Variants in NEDD4 observed in about 807,000 individuals in gnomAD.
NEDD4 encodes the protein E3 ubiquitin-protein ligase NEDD4.
Under a neutral mutation model 144.9 loss-of-function variants are expected in NEDD4, and 99 were observed. The observed-to-expected ratio is 0.68, with a 90% confidence interval of 0.58 to 0.81. NEDD4 has a LOEUF of 0.81. Ranked by LOEUF, NEDD4 falls within the 30% of genes least tolerant of loss-of-function variation. The probability of loss-of-function intolerance (pLI) is 0.00; values close to 1 mark genes in which losing one functional copy is unlikely to be tolerated. For synonymous variants in NEDD4, 318 were observed against 350.6 expected, an observed-to-expected ratio of 0.91 and a Z score of 1.04; for missense variants, 985 against 1,065.9, an observed-to-expected ratio of 0.92 and a Z score of 1.06.
intron 4 of NEDD4, among the ~76,000 whole-genome samples, chr15:55,942,552 G>A (rs2037026572): frequency 6.6e-6 from 1 of 152,082 alleles, no homozygotes. Flanking sequence ...CATGTTAGAT[G>A]AGCCTGCTTC....
At chr15:55,963,961 T>C (rs1400773979) in intron 2 of NEDD4, among the ~76,000 whole-genome samples, 1 of 152,166 alleles carries the variant, frequency 6.6e-6, no homozygotes, top group African/African-American at 2.4e-5. Flanking sequence ...TAGTTTTGGG[T>C]AGGAAGTCAG....
intron 5 of NEDD4, among the ~76,000 whole-genome samples, chr15:55,892,466 T>C (rs1366528997): frequency 1.3e-5 from 2 of 152,000 alleles, no homozygotes; most frequent in African/African-American, 2.4e-5. Flanking sequence ...GTTTCAATCA[T>C]GCTTTTTAAA....
At chr15:55,914,211 T>TAA (rs1555403319) in intron 5 of NEDD4, among the ~76,000 whole-genome samples, 4 of 151,484 alleles carry the variant, frequency 2.6e-5, no homozygotes, top group African/African-American at 7.3e-5. Context: ...TTTTTTTTTT[T>TAA]AAAACAATCT....
At chr15:55,943,129 C>T (rs2037038782) in intron 4 of NEDD4, among the ~76,000 whole-genome samples, 1 of 152,264 alleles carries the variant, frequency 6.6e-6, no homozygotes, top group East Asian at 1.9e-4. Context: ...CTGCTTCTAA[C>T]CATATGCTTA....
intron 5 of NEDD4, among the ~76,000 whole-genome samples, chr15:55,881,769 A>G (rs2035202443): frequency 6.6e-6 from 1 of 152,170 alleles, no homozygotes; most frequent in Non-Finnish European, 1.5e-5. Flanking sequence ...CATAGCTGTG[A>G]TCAACTGTCA....
At chr15:55,936,166 A>G (rs1218304394) in intron 4 of NEDD4, among the ~76,000 whole-genome samples, 1 of 152,198 alleles carries the variant, frequency 6.6e-6, no homozygotes, top group African/African-American at 2.4e-5. Context: ...TCCTAGACTA[A>G]GTGATCCCCC....
intron 4 of NEDD4, among the ~76,000 whole-genome samples, chr15:55,948,062 C>G (rs1260942361): frequency 6.6e-6 from 1 of 152,238 alleles, no homozygotes; most frequent in Non-Finnish European, 1.5e-5. Flanking sequence ...CCCACCGTCT[C>G]AGCCCAAAAT....
chr15:55,863,470 G>A (rs2034480168), intron 8 of NEDD4, among the ~76,000 whole-genome samples: 1 of 152,040 alleles, frequency 6.6e-6, no homozygotes, highest in Non-Finnish European at 1.5e-5. Context: ...AGTATGTGAG[G>A]TGATTTAATG....
intron 2 of NEDD4, among the ~76,000 whole-genome samples, chr15:55,962,189 C>T (rs1294121844): frequency 6.6e-6 from 1 of 152,046 alleles, no homozygotes; most frequent in Non-Finnish European, 1.5e-5. Flanking sequence ...CGAATATATC[C>T]ACTTCAGTCT....
At chr15:55,894,405 C>G (rs2035673422) in intron 5 of NEDD4, among the ~76,000 whole-genome samples, 1 of 152,110 alleles carries the variant, frequency 6.6e-6, no homozygotes, top group South Asian at 2.1e-4. Context: ...ATTTAAGGAA[C>G]TTGAGTATCT....
intron 1 of NEDD4, among the ~76,000 whole-genome samples, chr15:55,969,300 C>T (rs989638367): frequency 1.3e-5 from 2 of 152,082 alleles, no homozygotes; most frequent in Non-Finnish European, 2.9e-5. Flanking sequence ...TTTGGGCAAG[C>T]CTTGCCCCTG....
intron 1 of NEDD4, among the ~76,000 whole-genome samples, chr15:55,984,075 G>C (rs2037851224): frequency 6.6e-6 from 1 of 152,074 alleles, no homozygotes; most frequent in Non-Finnish European, 1.5e-5. Flanking sequence ...CTGATACATA[G>C]TGTTCATCAA....
At chr15:55,916,342 T>G (rs950800107) in intron 5 of NEDD4, 1 of 1,614,054 alleles carries the variant, frequency 6.2e-7, no homozygotes, top group Non-Finnish European at 8.5e-7. Flanking sequence ...CTACCGTTGC[T>G]GCTGTAAGAC....
chr15:55,837,712 T>C (rs999341075), intron 24 of NEDD4, 77 bp downstream of exon 24: 4 of 940,530 alleles, frequency 4.3e-6, no homozygotes, highest in East Asian at 4.9e-5. Context: ...TTTTCTCAGA[T>C]GTGATGAGGC....
chr15:55,973,307 G>C (rs2037642724), intron 1 of NEDD4, among the ~76,000 whole-genome samples: 1 of 152,214 alleles, frequency 6.6e-6, no homozygotes, highest in Admixed American at 6.5e-5. Flanking sequence ...GGGACGCCAA[G>C]ATGGGAGGAC....
chr15:55,962,337 G>A (rs2037440308), intron 2 of NEDD4, among the ~76,000 whole-genome samples: 1 of 152,106 alleles, frequency 6.6e-6, no homozygotes, highest in Non-Finnish European at 1.5e-5. Context: ...AACAACATCT[G>A]TCTCATATTT....
chr15:55,940,162 TTC>T (rs2036969883), intron 4 of NEDD4, among the ~76,000 whole-genome samples: 1 of 152,140 alleles, frequency 6.6e-6, no homozygotes, highest in African/African-American at 2.4e-5. Context: ...AATAGTCAAA[TTC>T]ATAGAAGCAG....
intron 4 of NEDD4, among the ~76,000 whole-genome samples, chr15:55,939,369 C>T (rs2036954028): frequency 6.6e-6 from 1 of 152,138 alleles, no homozygotes; most frequent in African/African-American, 2.4e-5. Flanking sequence ...GGAGAAGGTG[C>T]CCGCTTCCTG....
Position 55,838,196 on chromosome 15 carries a change from A to AT in NEDD4, c.2128-17dup, listed in dbSNP as rs773154676. The AT allele has an allele frequency of 7.2e-6, 11 of 1,530,374 alleles. No homozygotes were observed. In the African/African-American group the frequency reaches 1.5e-4, roughly 21 times the overall value. 94.8% of individuals were successfully genotyped at this position (1,530,374 alleles called of 1,614,324 possible). On this transcript the variant is annotated splice_polypyrimidine_tract_variant and intron_variant, in intron 22 of 28. Coordinates refer to ENST00000435532, the MANE Select transcript of NEDD4 (RefSeq NM_006154.4). ...GTTGATGTGTCTAAAATTAAACACA[A>AT]TAACTTGATATGTTATTTTAGCGAG...
Sources: gnomAD v4.1 joint callset for allele counts (sites outside exome capture counted in the v4.1 genomes callset) on GRCh38, gnomAD v4.1.1 for gene constraint, MANE v1.5 for transcripts, NCBI Gene and HGNC (gene_info 2026-07-23, HGNC 2026-07-21) for gene names.